The following CD1B variants were observed in gnomAD, a reference collection of about 807,000 sequenced individuals.
The protein encoded by CD1B is T-cell surface glycoprotein CD1b.
Under a neutral mutation model 39.8 loss-of-function variants are expected in CD1B, and 43 were observed. That is an observed-to-expected ratio of 1.08 (90% CI 0.85 to 1.39). CD1B has a LOEUF of 1.39. Among genes scored for constraint, CD1B ranks in the 40% most tolerant of loss-of-function variants. The pLI is 0.00. For synonymous variants in CD1B, 192 were observed against 152.5 expected (o/e 1.26, Z -1.91); for missense variants, 495 against 403.8 (o/e 1.23, Z -1.94).
At chr1:158,327,664 C>CA (rs1370300275), downstream of CD1B, among the ~76,000 whole-genome samples, 2 of 152,114 alleles carry the variant, frequency 1.3e-5, no homozygotes, top group Non-Finnish European at 2.9e-5. Context: ...GGAGGAAAAA[C>CA]AAAAATAACT....
At chr1:158,303,861 A>C in the CD1B span, among the ~76,000 whole-genome samples, 1 of 152,174 alleles carries the variant, frequency 6.6e-6, no homozygotes, top group Admixed American at 6.5e-5. Flanking sequence ...CAATTCAGAG[A>C]CTCAGTGCTA....
downstream of CD1B, among the ~76,000 whole-genome samples, chr1:158,323,924 G>C (rs1229944551): frequency 6.6e-6 from 1 of 152,192 alleles, no homozygotes. Context: ...TGGGACAAAG[G>C]CTGGTGGTCC....
chr1:158,310,228 C>T, the CD1B span, among the ~76,000 whole-genome samples: 2 of 152,130 alleles, frequency 1.3e-5, no homozygotes, highest in East Asian at 1.9e-4. Context: ...TGAAGACTTC[C>T]TATTCAATAA....
At chr1:158,307,225 G>A in the CD1B span, among the ~76,000 whole-genome samples, 382 of 152,060 alleles carry the variant, frequency 2.5e-3, 4 homozygotes, top group African/African-American at 8.4e-3. Context: ...TCAAATAGAC[G>A]CAATAAAAGA....
chr1:158,329,523 G>T lies in CD1B; in HGVS notation c.733C>A (p.Gln245Lys), dbSNP rs1293331332. 6.2e-7 allele frequency: 1 copy of T among 1,614,158 alleles called. No homozygotes were observed. The highest frequency in any genetic ancestry group is 1.1e-5 in the South Asian group (1 of 91,090). The change falls in exon 4 of 6, where the codon CAG becomes AAG. Residue 245 changes from glutamine to lysine, a missense_variant. Transcript: ENST00000368168. ...WVMWMRGEQE[Q>K]QGTQLGDILP... ...ATGTCCCCTAGCTGAGTGCCCTGCT[G>T]CTCCTGCTCACCCCGCATCCACATC...
Position 158,329,974 on chromosome 1 carries a change from A to G in CD1B, c.485T>C (p.Phe162Ser). ...TTGATATTGTATGATTAGTGCACAGAATTTCTGTGCCCTGCTGCCACCTTC... is the reference window on the plus strand; with the variant it reads ...TTGATATTGTATGATTAGTGCACAGGATTTCTGTGCCCTGCTGCCACCTTC... ...SPEGGSRAQK[F>S]CALIIQYQGI... The change falls in exon 3 of 6, where the codon TTC becomes TCC. Residue 162 changes from phenylalanine (F) to serine (S), a missense_variant. Transcript: ENST00000368168. The G allele has an allele frequency of 6.2e-7, 1 of 1,613,728 alleles. No individual in the cohort carries two copies. The highest frequency in any genetic ancestry group is 8.5e-7 in the Non-Finnish European group (1 of 1,179,898).
At chr1:158,330,657 AG>A in intron 2 of CD1B, 138 bp downstream of exon 2, 2 of 841,682 alleles carry the variant, frequency 2.4e-6, no homozygotes, top group Non-Finnish European at 4.2e-6. Flanking sequence ...CTGGAGTGAG[AG>A]ACTACTCAAG....
downstream of CD1B, among the ~76,000 whole-genome samples, chr1:158,326,138 T>C (rs951932620): frequency 5.3e-5 from 8 of 151,704 alleles, no homozygotes; most frequent in African/African-American, 1.5e-4. Context: ...GCCCGGCTAA[T>C]TTTTTTTGTA....
At chr1:158,319,550 A>C in the CD1B span, among the ~76,000 whole-genome samples, 1 of 152,204 alleles carries the variant, frequency 6.6e-6, no homozygotes, top group South Asian at 2.1e-4. Flanking sequence ...TGGTTATTCT[A>C]GTTATACATT....
At chr1:158,323,898 C>A (rs1652267646), downstream of CD1B, among the ~76,000 whole-genome samples, 1 of 152,104 alleles carries the variant, frequency 6.6e-6, no homozygotes, top group Admixed American at 6.5e-5. Flanking sequence ...AGACTGGGTC[C>A]CCTCAGGATC....
downstream of CD1B, chr1:158,327,924 A>C (rs1557820181): frequency 8.4e-6 from 2 of 238,604 alleles, no homozygotes; most frequent in Non-Finnish European, 1.6e-5. Context: ...AAAAGTTTTA[A>C]ATTAGGAAGC....
chr1:158,287,884 G>T, the CD1B span, among the ~76,000 whole-genome samples: 4 of 152,182 alleles, frequency 2.6e-5, no homozygotes, highest in Non-Finnish European at 5.9e-5. Flanking sequence ...AAATTTGACT[G>T]CCAAGTTGGT....
At chr1:158,329,054 A>G (rs1248152526) in intron 4 of CD1B, 40 bp from the exon 5 acceptor site, 1 of 1,505,740 alleles carries the variant, frequency 6.6e-7, no homozygotes, top group Non-Finnish European at 9.2e-7. Context: ...CACTTCAGAT[A>G]CTATACACAG....
chr1:158,289,293 T>C, the CD1B span, among the ~76,000 whole-genome samples: 2 of 152,244 alleles, frequency 1.3e-5, no homozygotes, highest in African/African-American at 4.8e-5. Context: ...GACACTGGTA[T>C]CAACCATGTA....
chr1:158,309,868 T>C, the CD1B span, among the ~76,000 whole-genome samples: 2 of 151,672 alleles, frequency 1.3e-5, no homozygotes, highest in Non-Finnish European at 2.9e-5. Context: ...CATTAGGAGA[T>C]ATACCTAATA....
At chr1:158,319,284 G>C in the CD1B span, among the ~76,000 whole-genome samples, 2 of 151,764 alleles carry the variant, frequency 1.3e-5, no homozygotes, top group Non-Finnish European at 2.9e-5. Context: ...CATTCTCCCC[G>C]TCACTTTCAG....
the CD1B span, among the ~76,000 whole-genome samples, chr1:158,313,397 A>G: frequency 9.9e-5 from 15 of 152,000 alleles, no homozygotes; most frequent in East Asian, 2.9e-3. Context: ...CACAGCCTCA[A>G]CCTCCTGGGC....
At chr1:158,289,881 G>C in the CD1B span, 1 of 568,646 alleles carries the variant, frequency 1.8e-6, no homozygotes, top group Non-Finnish European at 3.2e-6. Flanking sequence ...GAGCAGGTGG[G>C]GAAATGAGAG....
chr1:158,287,408 T>C, the CD1B span, among the ~76,000 whole-genome samples: 1 of 152,156 alleles, frequency 6.6e-6, no homozygotes, highest in Non-Finnish European at 1.5e-5. Context: ...ATCAGGGTCT[T>C]ACCGTTTAGA....
Sources: gnomAD v4.1 joint callset for allele counts (sites outside exome capture counted in the v4.1 genomes callset) on GRCh38, gnomAD v4.1.1 for gene constraint, MANE v1.5 for transcripts, NCBI Gene and HGNC (gene_info 2026-07-23, HGNC 2026-07-21) for gene names.